HEXA: variants seen among roughly 807,000 people sequenced by gnomAD.
HEXA encodes beta-hexosaminidase subunit alpha.
HEXA carries 54 observed loss-of-function variants against 73.3 expected under a neutral mutation model. The ratio of observed to expected loss-of-function variants is 0.74; its 90% CI spans 0.59 to 0.92. HEXA has a LOEUF of 0.92. HEXA is among the 40% of genes least tolerant of loss of function. The pLI is 0.00. For synonymous variants in HEXA, 230 were observed against 246.9 expected (o/e 0.93, Z 0.64); for missense variants, 649 against 653.0 (o/e 0.99, Z 0.07).
At chr15:72,361,600 C>G (rs2088853700) in intron 1 of HEXA, among the ~76,000 whole-genome samples, 1 of 152,146 alleles carries the variant, frequency 6.6e-6, no homozygotes, top group African/African-American at 2.4e-5. Flanking sequence ...GGCTGATCCT[C>G]TCTCTCACTT....
At chr15:72,352,399 C>A (rs2088710439) in intron 5 of HEXA, among the ~76,000 whole-genome samples, 1 of 141,982 alleles carries the variant, frequency 7.0e-6, no homozygotes, top group African/African-American at 2.7e-5. Context: ...CCCAGGAGTT[C>A]AAGACCAGCC....
At chr15:72,352,690 G>A (rs1185555424) in intron 5 of HEXA, among the ~76,000 whole-genome samples, 3 of 146,600 alleles carry the variant, frequency 2.0e-5, no homozygotes, top group Non-Finnish European at 3.0e-5. Flanking sequence ...TTGAGACAGC[G>A]TCTCACTCTT....
chr15:72,347,822 G>A, intron 9 of HEXA, 64 bp from the exon 10 acceptor site: 1 of 1,489,452 alleles, frequency 6.7e-7, no homozygotes, highest in Non-Finnish European at 9.4e-7. Flanking sequence ...GACTGTTTGT[G>A]CCAGTGCTCT....
chr15:72,346,018 A>G (rs1220265826), intron 12 of HEXA: 1 of 599,872 alleles, frequency 1.7e-6, no homozygotes, highest in Non-Finnish European at 3.0e-6. Flanking sequence ...AACAATCCCT[A>G]TCCCACATAC....
In HEXA at chr15:72,353,167, G is replaced by A; in HGVS notation, c.471C>T (p.Asn157=). 6.2e-7 allele frequency: 1 copy of A among 1,605,952 alleles called. No individual in the cohort carries two copies. Among genetic ancestry groups the A allele is most frequent in the Non-Finnish European group, 8.5e-7 (1 of 1,172,746 alleles). ...GGGGAAAGTCCTCAATCTCAGTCTT[G>A]TTGATAAAGAACTGTGCAGAACAAA... ...WKSAEGTFFI[N]KTEIEDFPRF... The change falls in exon 5 of 14, where the codon AAC becomes AAT. Residue 157 remains asparagine (N), a synonymous_variant. Transcript: ENST00000268097.
rs1448744870 is a variant in HEXA at position 72,344,135 on chromosome 15, C to G, written c.1532G>C (p.Gly511Ala). 4.3e-6 allele frequency: 7 copies of G among 1,613,662 alleles called. No individual in the cohort carries two copies. In the South Asian group the frequency reaches 7.7e-5, roughly 18 times the overall value. ...TACATTGAGGGGTTGGGCCTGGACA[C>G]CTCGCCTGCAAGAGGACATGAAGAA... ...SHFRCELLRR[G>A]VQAQPLNVGF... The change falls in exon 14 of 14, where the codon GGT (glycine) becomes GCT (alanine). Residue 511 changes from glycine to alanine, a missense_variant. Transcript: ENST00000268097.
At chr15:72,368,348 C>T (rs2088944440) in intron 1 of HEXA, among the ~76,000 whole-genome samples, 1 of 152,176 alleles carries the variant, frequency 6.6e-6, no homozygotes, top group African/African-American at 2.4e-5. Flanking sequence ...TGTACAGTGA[C>T]AAAAGCAAAA....
At chr15:72,356,761 G>A (rs1595804248) in intron 1 of HEXA, 144 bp from the exon 2 acceptor site, 1 of 1,210,970 alleles carries the variant, frequency 8.3e-7, no homozygotes, top group South Asian at 1.3e-5. Context: ...CATAGGCAGT[G>A]CCTGATCATC....
In HEXA at chr15:72,347,680, G is replaced by C; in HGVS notation, c.1146+6C>G. On this transcript the variant is annotated splice_donor_region_variant and intron_variant, in intron 10 of 13. Coordinates refer to ENST00000268097, the MANE Select transcript of HEXA (RefSeq NM_000520.6). ...GTGGCTTCTTCTCTTCTCTGCCCCG[G>C]CTCACCTTTACTTTATTATCAAACA... is the stretch of plus-strand genomic sequence containing the variant. 1.2e-6 allele frequency: 2 copies of C among 1,613,274 alleles called. No homozygotes were observed. Among genetic ancestry groups the C allele is most frequent in the East Asian group, 4.5e-5 (2 of 44,868 alleles).
rs939573606 is a variant in HEXA at position 72,346,924 on chromosome 15, C to T, written c.1147-214G>A. ...GAGGCCTCCCTGCAGCTCTCCTCCC[C>T]GTCCCTCTGCAGCCTCCCTGTCCAC... On this transcript the variant is annotated intron_variant, in intron 10 of 13. Coordinates refer to ENST00000268097, the MANE Select transcript of HEXA (RefSeq NM_000520.6). 37 of 578,178 alleles carry T rather than the reference C, an allele frequency of 6.4e-5. No individual in the cohort carries two copies. The East Asian group carries it at 1.1e-3, about 17-fold the overall frequency. 35.8% of individuals were successfully genotyped at this position (578,178 alleles called of 1,614,324 possible).
At chr15:72,362,893 G>GA (rs1301138060) in intron 1 of HEXA, among the ~76,000 whole-genome samples, 2 of 151,392 alleles carry the variant, frequency 1.3e-5, no homozygotes, top group African/African-American at 2.4e-5. Context: ...CAGCACTATG[G>GA]AAAAAAAACA....
intron 13 of HEXA, 61 bp downstream of exon 13, chr15:72,345,385 G>A: frequency 6.2e-7 from 1 of 1,609,238 alleles, no homozygotes; most frequent in Non-Finnish European, 8.5e-7. Flanking sequence ...CTCTCTCTAA[G>A]GGGTTCCCCA....
intron 1 of HEXA, among the ~76,000 whole-genome samples, chr15:72,366,441 T>C (rs978777903): frequency 3.3e-5 from 5 of 151,976 alleles, no homozygotes; most frequent in Non-Finnish European, 7.4e-5. Flanking sequence ...CCTAAGTAGC[T>C]GGGATTACAG....
At chr15:72,345,603 G>A in intron 12 of HEXA, 53 bp from the exon 13 acceptor site, 2 of 1,606,844 alleles carry the variant, frequency 1.2e-6, no homozygotes, top group Non-Finnish European at 1.7e-6. Flanking sequence ...CTGCAAAGGT[G>A]CTGGACATCC....
At chr15:72,357,979 C>T (rs1176725621) in intron 1 of HEXA, 1 of 152,208 alleles carries the variant, frequency 6.6e-6, no homozygotes, top group Non-Finnish European at 1.5e-5. Flanking sequence ...CAATTCACAG[C>T]TCCATACTTG....
rs2089057757 is a variant in HEXA, at chr15:72,375,807, G to C, written c.166C>G (p.Pro56Ala). 1 of 1,614,264 alleles carries C rather than the reference G, an allele frequency of 6.2e-7. No individual in the cohort carries two copies. Among genetic ancestry groups the C allele is most frequent in the Non-Finnish European group, 8.5e-7 (1 of 1,180,044 alleles). The change falls in exon 1 of 14, where the codon CCC becomes GCC. Residue 56 changes from proline to alanine, a missense_variant. Physicochemically the swap from Pro to Ala is conservative, Grantham distance 27 (BLOSUM62 -1). Coordinates refer to ENST00000268097, the MANE Select transcript of HEXA (RefSeq NM_000520.6). ...FQYDVSSAAQPGCSVLDEAFQ... is the reference protein window; with the variant it reads ...FQYDVSSAAQAGCSVLDEAFQ... ...GCCTCGTCGAGGACTGAGCAGCCGG[G>C]CTGCGCGGCCGAGCTGACATCGTAC... is the stretch of plus-strand genomic sequence containing the variant.
At chr15:72,362,312 T>C (rs1036876761) in intron 1 of HEXA, 3 of 346,594 alleles carry the variant, frequency 8.7e-6, no homozygotes, top group African/African-American at 6.5e-5. Flanking sequence ...CATGCAGCAA[T>C]GTATACATAC....
intron 1 of HEXA, among the ~76,000 whole-genome samples, chr15:72,369,783 G>A (rs1427684492): frequency 1.3e-5 from 2 of 152,190 alleles, no homozygotes; most frequent in African/African-American, 4.8e-5. Context: ...TGAGGCTTAT[G>A]CCTTGAACAG....
intron 2 of HEXA, 62 bp downstream of exon 2, chr15:72,356,463 C>A: frequency 6.3e-7 from 1 of 1,590,606 alleles, no homozygotes; most frequent in Non-Finnish European, 8.6e-7. Flanking sequence ...GCCAGGCCAT[C>A]CAGAGTTACA....
Sources: gnomAD v4.1 joint callset for allele counts (sites outside exome capture counted in the v4.1 genomes callset) on GRCh38, gnomAD v4.1.1 for gene constraint, MANE v1.5 for transcripts, NCBI Gene and HGNC (gene_info 2026-07-23, HGNC 2026-07-21) for gene names.